The following CTNND2 variants were observed in gnomAD, a reference collection of about 807,000 sequenced individuals.
CTNND2 encodes the protein catenin delta 2, also known as catenin delta-2.
CTNND2 carries 22 observed loss-of-function variants against 144.4 expected under a neutral mutation model. That is an observed-to-expected ratio of 0.15 (90% CI 0.11 to 0.22). The LOEUF (loss-of-function observed/expected upper bound fraction) is 0.22. Ranked by LOEUF, CTNND2 falls within the 10% of genes least tolerant of loss-of-function variation. The pLI is 1.00. For missense variants in CTNND2, 1,353 were observed against 1,618.8 expected, an observed-to-expected ratio of 0.84 and a Z score of 2.82; for synonymous variants, 751 against 695.6, an observed-to-expected ratio of 1.08 and a Z score of -1.25.
At chr5:11,857,752 T>C (rs992169602) in intron 1 of CTNND2, among the ~76,000 whole-genome samples, 3 of 152,328 alleles carry the variant, frequency 2.0e-5, no homozygotes, top group Non-Finnish European at 4.4e-5. Context: ...AAAAAATATC[T>C]TCTCTATAAG....
intron 15 of CTNND2, 65 bp from the exon 16 acceptor site, chr5:11,082,911 T>C (rs923167754): frequency 1.3e-6 from 2 of 1,567,226 alleles, no homozygotes; most frequent in African/African-American, 1.4e-5. Flanking sequence ...AAATAGTACA[T>C]TTGCGTTTTC....
chr5:11,541,474 G>A (rs1002277388), intron 3 of CTNND2, among the ~76,000 whole-genome samples: 8 of 152,106 alleles, frequency 5.3e-5, no homozygotes, highest in Non-Finnish European at 1.2e-4. Context: ...TGGCCACCAC[G>A]ATAAAAGGAC....
intron 14 of CTNND2, among the ~76,000 whole-genome samples, chr5:11,107,681 G>A (rs1752557403): frequency 6.6e-6 from 1 of 152,218 alleles, no homozygotes; most frequent in Non-Finnish European, 1.5e-5. Flanking sequence ...TTTAGATGGT[G>A]CATTTGTTTT....
chr5:11,278,969 A>G (rs979178099), intron 9 of CTNND2, among the ~76,000 whole-genome samples: 1 of 151,870 alleles, frequency 6.6e-6, no homozygotes, highest in Admixed American at 6.6e-5. Context: ...TAACTCCCCC[A>G]CGGTGTTCCC....
intron 16 of CTNND2, among the ~76,000 whole-genome samples, chr5:11,023,307 GC>G (rs1742485786): frequency 6.6e-6 from 1 of 152,194 alleles, no homozygotes; most frequent in African/African-American, 2.4e-5. Context: ...TTGCTGTAAA[GC>G]ATAAATGAGT....
chr5:11,332,206 C>T (rs1753226356), intron 9 of CTNND2, among the ~76,000 whole-genome samples: 3 of 147,452 alleles, frequency 2.0e-5, no homozygotes, highest in South Asian at 2.2e-4. Flanking sequence ...ACCTGGGAGG[C>T]GGAGGTTTCG....
intron 2 of CTNND2, among the ~76,000 whole-genome samples, chr5:11,644,224 G>C (rs1782224780): frequency 6.6e-6 from 1 of 152,128 alleles, no homozygotes; most frequent in African/African-American, 2.4e-5. Context: ...AGGCTGACAG[G>C]AATGTGTCAG....
At chr5:11,471,981 T>C (rs189319068) in intron 3 of CTNND2, among the ~76,000 whole-genome samples, 136 of 152,332 alleles carry the variant, frequency 8.9e-4, no homozygotes, top group African/African-American at 3.0e-3. Flanking sequence ...TGTTACCATA[T>C]ATAGAACAAT....
intron 3 of CTNND2, among the ~76,000 whole-genome samples, chr5:11,472,113 T>C (rs560122209): frequency 1.3e-5 from 2 of 152,328 alleles, no homozygotes; most frequent in East Asian, 3.9e-4. Flanking sequence ...GAGCCTTTCA[T>C]TTTATATAAG....
At chr5:11,747,380 T>G (rs886773584) in intron 1 of CTNND2, among the ~76,000 whole-genome samples, 3 of 152,196 alleles carry the variant, frequency 2.0e-5, no homozygotes, top group Non-Finnish European at 4.4e-5. Flanking sequence ...TGAAGTTCAG[T>G]GTTGAATTGA....
At chr5:11,019,425 A>G (rs996442041) in intron 17 of CTNND2, among the ~76,000 whole-genome samples, 5 of 152,238 alleles carry the variant, frequency 3.3e-5, no homozygotes, top group Admixed American at 6.5e-5. Context: ...TAGTTGAAAT[A>G]CAATTAGTGT....
intron 9 of CTNND2, among the ~76,000 whole-genome samples, chr5:11,291,287 C>T (rs1033299572): frequency 2.0e-5 from 3 of 151,906 alleles, no homozygotes; most frequent in Admixed American, 2.0e-4. Flanking sequence ...TATATTTTCC[C>T]ATCATTCTAG....
intron 1 of CTNND2, among the ~76,000 whole-genome samples, chr5:11,771,642 C>A (rs533814153): frequency 3.3e-5 from 5 of 152,146 alleles, no homozygotes; most frequent in African/African-American, 1.2e-4. Flanking sequence ...TTCTCCTGAC[C>A]CCCGTCTATT....
At chr5:11,132,276 C>A (rs544633120) in intron 12 of CTNND2, among the ~76,000 whole-genome samples, 2 of 152,332 alleles carry the variant, frequency 1.3e-5, no homozygotes, top group East Asian at 3.9e-4. Context: ...GGGGTCCAGG[C>A]CTACCACCTG....
In CTNND2 at chr5:11,432,511, T is replaced by C. The variant is rs146144290; in HGVS notation, c.288-20442A>G. On this transcript the variant is annotated intron_variant, in intron 3 of 21. Coordinates refer to ENST00000304623, the MANE Select transcript of CTNND2 (RefSeq NM_001332.4). ...CAGTTTCATATTCCTAGCAAACTAC[T>C]ACAGCTAGGTGTGCATGACTCTGCA... Among the ~76,000 whole-genome samples the C allele has an allele frequency of 2.5e-3, 375 of 152,340 alleles. 4 individuals are homozygous for C. In the South Asian group the frequency reaches 0.048, roughly 19 times the overall value.
chr5:11,617,640 T>C (rs930831637), intron 2 of CTNND2, among the ~76,000 whole-genome samples: 3 of 152,334 alleles, frequency 2.0e-5, no homozygotes, highest in African/African-American at 2.4e-5. Flanking sequence ...CTGTGTCATA[T>C]TGGTATATAG....
At chr5:11,332,275 C>CA (rs5865932) in intron 9 of CTNND2, among the ~76,000 whole-genome samples, 309 of 81,456 alleles carry the variant, frequency 3.8e-3, no homozygotes, top group Non-Finnish European at 4.7e-3. Flanking sequence ...AACTCCGTCT[C>CA]AAAAAAAAAA....
chr5:11,774,561 T>TAAAAAAAAA lies in CTNND2; in HGVS notation c.38-42298_38-42290dup, dbSNP rs1202575547. Among the ~76,000 whole-genome samples, 110 of 116,794 alleles carry TAAAAAAAAA rather than the reference T, an allele frequency of 9.4e-4. 1 individual carries two copies. Among genetic ancestry groups the TAAAAAAAAA allele is most frequent in the East Asian group, 1.5e-3 (6 of 3,992 alleles). The allele number at this position is 116,794 out of a possible 152,430, so 76.6% of individuals were successfully genotyped here. ...AACTTAAAGTATAATAAAAAAAAAT[T>TAAAAAAAAA]AAAAAAAAAAACAATGATGGCTTTA... On this transcript the variant is annotated intron_variant, in intron 1 of 21. Coordinates refer to ENST00000304623, the MANE Select transcript of CTNND2 (RefSeq NM_001332.4).
chr5:11,052,691 G>GT (rs1435367163), intron 16 of CTNND2, among the ~76,000 whole-genome samples: 1 of 152,056 alleles, frequency 6.6e-6, no homozygotes, highest in East Asian at 1.9e-4. Flanking sequence ...CCTTACCACA[G>GT]TAAGAAATAA....
Sources: allele counts gnomAD v4.1 joint callset (sites outside exome capture counted in the v4.1 genomes callset), GRCh38; gene constraint gnomAD v4.1.1; transcripts MANE v1.5; gene names NCBI Gene and HGNC (gene_info 2026-07-23, HGNC 2026-07-21).